The following PSMC5 variants were observed in gnomAD, a reference collection of about 807,000 sequenced individuals.
The protein encoded by PSMC5 is 26S proteasome regulatory subunit 8.
PSMC5 carries 11 observed loss-of-function variants against 49.1 expected under a neutral mutation model. The observed-to-expected ratio is 0.22, with a 90% CI of 0.14 to 0.37. The LOEUF is 0.37. Among genes scored for constraint, PSMC5 ranks in the 10% least tolerant of loss-of-function variants. PSMC5 has a pLI of 1.00. For missense variants in PSMC5, 229 were observed against 520.9 expected (o/e 0.44, Z 5.45); for synonymous variants, 206 against 192.2 (o/e 1.07, Z -0.59).
Position 63,830,880 on chromosome 17 carries a change from C to G in PSMC5, c.624C>G (p.Asp208Glu). The G allele has an allele frequency of 1.2e-6, 2 of 1,614,060 alleles. No individual in the cohort carries two copies. The highest frequency in any genetic ancestry group is 1.7e-6 in the Non-Finnish European group (2 of 1,179,968). The change falls in exon 7 of 12, where the codon GAC (aspartate) becomes GAG (glutamate). Residue 208 changes from aspartate to glutamate, a missense_variant. Asp to Glu is a conservative substitution (Grantham distance 45, BLOSUM62 2). Around this residue, in one of 4 missense-constraint regions of PSMC5, gnomAD observed 121 missense variants for 330.6 expected, o/e 0.37. Coordinates refer to ENST00000310144, the MANE Select transcript of PSMC5 (RefSeq NM_002805.6). The surrounding 1 kb of genome is among the most constrained non-coding windows in gnomAD (Gnocchi z 4.0). ...CCCGGGCTGTGGCTCATCATACGGA[C>G]TGTACCTTTATTCGTGTCTCTGGCT... ...LLARAVAHHT[D>E]CTFIRVSGSE...
In PSMC5 at chr17:63,828,222, T is replaced by C. The variant is rs768128742; in HGVS notation, c.96+13T>C. ...TGAAGAACTCCAGGTGAGGACGGAC[T>C]CCAGAGGGAGCTAGGAAGGGTGATG... On this transcript the variant is annotated intron_variant, in intron 2 of 11. Coordinates refer to ENST00000310144, the MANE Select transcript of PSMC5 (RefSeq NM_002805.6). 6.2e-7 allele frequency: 1 copy of C among 1,613,714 alleles called. No individual in the cohort carries two copies. Among genetic ancestry groups the C allele is most frequent in the Non-Finnish European group, 8.5e-7 (1 of 1,179,704 alleles).
In PSMC5 at chr17:63,827,744, C is replaced by T. The variant is rs1352187233; in HGVS notation, c.24+230C>T. On this transcript the variant is annotated intron_variant, in intron 1 of 11. Transcript: ENST00000310144. ...GTAGAAGCGGAGTGAGTGAGGGAAG[C>T]GATGGGCGCGGGAATGGCCGGCCCA... 7.0e-6 allele frequency: 10 copies of T among 1,431,752 alleles called. No individual in the cohort carries two copies. The East Asian group carries it at 2.3e-4, about 32-fold the overall frequency. 88.7% of individuals were successfully genotyped at this position (1,431,752 alleles called of 1,614,324 possible).
intron 1 of PSMC5, 40 bp downstream of exon 1, chr17:63,827,554 T>C: frequency 1.3e-6 from 2 of 1,550,916 alleles, no homozygotes; most frequent in Non-Finnish European, 1.7e-6. Context: ...GTTACGGGGC[T>C]GGGTGCGGAG....
chr17:63,830,694 CCTT>C lies in PSMC5; in HGVS notation c.553-114_553-112del. 2.3e-6 allele frequency: 3 copies of C among 1,319,092 alleles called. No individual in the cohort carries two copies. Among genetic ancestry groups the C allele is most frequent in the Non-Finnish European group, 2.9e-6 (3 of 1,017,866 alleles). The allele number at this position is 1,319,092 out of a possible 1,614,324, so 81.7% of individuals were successfully genotyped here. ...TTTGGATAGAAGGGACCTTGATGTT[CCTT>C]TTTTTTTTTTGTATCCCTAACATCT... On this transcript the variant is annotated intron_variant, in intron 6 of 11. Transcript: ENST00000310144. The surrounding 1 kb of genome is among the most constrained non-coding windows in gnomAD (Gnocchi z 4.0).
In PSMC5 at chr17:63,829,969, A is replaced by C; in HGVS notation, c.264+20A>C. The C allele has an allele frequency of 6.3e-7, 1 of 1,598,624 alleles. No individual in the cohort carries two copies. Among genetic ancestry groups the C allele is most frequent in the Non-Finnish European group, 8.5e-7 (1 of 1,171,896 alleles). ...GTCAAGGTAAAAGCAGCATGACCCCAGGGACCAGCTCGGTCTCCACTGCAT... is the reference window on the plus strand; with the variant it reads ...GTCAAGGTAAAAGCAGCATGACCCCCGGGACCAGCTCGGTCTCCACTGCAT... On this transcript the variant is annotated intron_variant, in intron 4 of 11. Coordinates refer to ENST00000310144, the MANE Select transcript of PSMC5 (RefSeq NM_002805.6).
chr17:63,828,471 G>C (rs2040140138), intron 2 of PSMC5: 2 of 346,038 alleles, frequency 5.8e-6, no homozygotes, highest in Admixed American at 4.4e-5. Flanking sequence ...GGTACCTCTA[G>C]CCAAAGGTCA....
Position 63,829,553 on chromosome 17 carries a change from A to G in PSMC5, c.156A>G (p.Leu52=), listed in dbSNP as rs1234078646. 2.6e-6 allele frequency: 4 copies of G among 1,554,538 alleles called. No homozygotes were observed. In the Admixed American group the frequency reaches 5.8e-5, roughly 23 times the overall value. The part of the protein sequence containing the change: ...LRRLQAQRNE[L]NAKVRLLREE... The stretch of plus-strand genomic sequence containing the variant: ...GGCTGCAGGCACAGAGGAACGAACT[A>G]AATGCTAAAGGTGAGTGGAGAAAGA... The change falls in exon 3 of 12, where the codon CTA becomes CTG. Residue 52 remains leucine (L), a synonymous_variant. Coordinates refer to ENST00000310144, the MANE Select transcript of PSMC5 (RefSeq NM_002805.6).
At chr17:63,828,262 C>CTTAGATG in intron 2 of PSMC5, 53 bp downstream of exon 2, 1 of 1,549,032 alleles carries the variant, frequency 6.5e-7, no homozygotes, top group Middle Eastern at 1.7e-4. Flanking sequence ...GGGATGGAAA[C>CTTAGATG]GGACTTCCAC....
intron 2 of PSMC5, 55 bp from the exon 3 acceptor site, chr17:63,829,439 A>G (rs1255558656): frequency 4.0e-6 from 6 of 1,513,002 alleles, no homozygotes; most frequent in East Asian, 2.5e-5. Context: ...CCAAGATCCT[A>G]CCTCCTCCTG....
In PSMC5 at chr17:63,830,678, A is replaced by C. The variant is rs1221063923; in HGVS notation, c.553-131A>C. The C allele has an allele frequency of 7.0e-7, 1 of 1,428,564 alleles. No homozygotes were observed. Among genetic ancestry groups the C allele is most frequent in the African/African-American group, 1.6e-5 (1 of 61,656 alleles). The allele number at this position is 1,428,564 out of a possible 1,614,324, so 88.5% of individuals were successfully genotyped here. ...TAGGGCGGTGAGGTGGTTTGGATAG[A>C]AGGGACCTTGATGTTCCTTTTTTTT... is the stretch of plus-strand genomic sequence containing the variant. On this transcript the variant is annotated intron_variant, in intron 6 of 11. Coordinates refer to ENST00000310144, the MANE Select transcript of PSMC5 (RefSeq NM_002805.6). This position sits in a 1 kb window ranked among gnomAD's most constrained non-coding sequence, Gnocchi z 4.0.
chr17:63,831,001 A>G lies in PSMC5; in HGVS notation c.680-35A>G, dbSNP rs745881342. The G allele has an allele frequency of 5.6e-6, 9 of 1,606,436 alleles. No individual in the cohort carries two copies. Among genetic ancestry groups the G allele is most frequent in the Non-Finnish European group, 7.7e-6 (9 of 1,175,456 alleles). ...AGGGGGTTAGAGAGCTAATAAGCTA[A>G]TAAGCTCCCTAACACCAGCTCGGCC... On this transcript the variant is annotated intron_variant, in intron 7 of 11. Coordinates refer to ENST00000310144, the MANE Select transcript of PSMC5 (RefSeq NM_002805.6). The surrounding 1 kb of genome is among the most constrained non-coding windows in gnomAD (Gnocchi z 6.3).
At chr17:63,828,371 C>CAAT in intron 2 of PSMC5, 162 bp downstream of exon 2, 1 of 657,646 alleles carries the variant, frequency 1.5e-6, no homozygotes, top group Non-Finnish European at 2.6e-6. Context: ...CAGAAGTAAG[C>CAAT]AATCTCTTGT....
chr17:63,827,769 A>G (rs575010109), intron 1 of PSMC5: 1 of 1,431,874 alleles, frequency 7.0e-7, no homozygotes, highest in East Asian at 2.5e-5. Context: ...TGGCCGGCCC[A>G]CGGGTCGCAG....
intron 3 of PSMC5, 43 bp from the exon 4 acceptor site, chr17:63,829,809 C>T: frequency 6.2e-7 from 1 of 1,600,702 alleles, no homozygotes; most frequent in Middle Eastern, 1.7e-4. Flanking sequence ...CTGGAGACTC[C>T]AAAGGAGTAG....
intron 1 of PSMC5, 122 bp from the exon 2 acceptor site, chr17:63,828,016 A>G: frequency 7.4e-7 from 1 of 1,343,184 alleles, no homozygotes; most frequent in South Asian, 1.3e-5. Context: ...GAGCCTCCGA[A>G]GTCCAAACTT....
chr17:63,830,894 G>A lies in PSMC5; in HGVS notation c.638G>A (p.Arg213His), dbSNP rs2040176028. The A allele has an allele frequency of 6.2e-7, 1 of 1,613,908 alleles. No homozygotes were observed. The highest frequency in any genetic ancestry group is 8.5e-7 in the Non-Finnish European group (1 of 1,179,904). Reference protein sequence around the residue: ...VAHHTDCTFIRVSGSELVQKF... With the variant: ...VAHHTDCTFIHVSGSELVQKF... ...CATCATACGGACTGTACCTTTATTC[G>A]TGTCTCTGGCTCTGAACTGGTACAG... The change falls in exon 7 of 12, where the codon CGT becomes CAT. Residue 213 changes from arginine (R) to histidine (H), a missense_variant. By Grantham distance (29) the Arg-to-His change is conservative. This residue lies in a region of PSMC5 where 121 missense variants were observed against 330.6 expected (regional missense o/e 0.37). Coordinates refer to ENST00000310144, the MANE Select transcript of PSMC5 (RefSeq NM_002805.6). This position sits in a 1 kb window ranked among gnomAD's most constrained non-coding sequence, Gnocchi z 4.0.
chr17:63,828,058 C>T lies in PSMC5; in HGVS notation c.25-80C>T, dbSNP rs887448906. 2.6e-6 allele frequency: 4 copies of T among 1,526,536 alleles called. No homozygotes were observed. In the Admixed American group the frequency reaches 5.2e-5, roughly 20 times the overall value. The allele number at this position is 1,526,536 out of a possible 1,614,324, so 94.6% of individuals were successfully genotyped here. ...CTACGCAAAGCTACCTGGTGTCAAG[C>T]CTTATTCAAAGTGCCCTGCAAGTGG... On this transcript the variant is annotated intron_variant, in intron 1 of 11. Transcript: ENST00000310144.
intron 3 of PSMC5, 139 bp downstream of exon 3, chr17:63,829,702 CCT>C: frequency 8.3e-7 from 1 of 1,211,542 alleles, no homozygotes; most frequent in Non-Finnish European, 1.2e-6. Flanking sequence ...ATCTCTTTTT[CCT>C]GAGCCCTATT....
rs965288111 is a variant in PSMC5 at position 63,827,766 on chromosome 17, C to T, written c.24+252C>T. The T allele has an allele frequency of 7.7e-6, 11 of 1,431,710 alleles. No individual in the cohort carries two copies. In the East Asian group the frequency reaches 2.5e-4, roughly 33 times the overall value. 88.7% of individuals were successfully genotyped at this position (1,431,710 alleles called of 1,614,324 possible). The stretch of plus-strand genomic sequence containing the variant: ...AAGCGATGGGCGCGGGAATGGCCGG[C>T]CCACGGGTCGCAGGAGACGGGACGC... On this transcript the variant is annotated intron_variant, in intron 1 of 11. Coordinates refer to ENST00000310144, the MANE Select transcript of PSMC5 (RefSeq NM_002805.6).
Sources: gnomAD v4.1 joint callset for allele counts on GRCh38, gnomAD v4.1.1 for gene constraint, gnomAD v4.1.1 regional missense constraint, Gnocchi (gnomAD v3.1) non-coding constraint, MANE v1.5 for transcripts, NCBI Gene and HGNC (gene_info 2026-07-23, HGNC 2026-07-21) for gene names.